DISP3: variants seen among roughly 807,000 people sequenced by gnomAD.
The protein encoded by DISP3 is dispatched RND transporter family member 3.
A neutral mutation model predicts 135.3 loss-of-function variants in DISP3; 101 were observed. The observed-to-expected ratio is 0.75, with a 90% CI of 0.64 to 0.88. The LOEUF (loss-of-function observed/expected upper bound fraction) is 0.88, where lower values mean the gene tolerates loss of function less well. Ranked by LOEUF, DISP3 falls within the 40% of genes least tolerant of loss-of-function variation. The pLI, the probability that DISP3 is intolerant of heterozygous loss-of-function variation, is 0.00. For missense variants in DISP3, 1,713 were observed against 1,878.6 expected (o/e 0.91, Z 1.63); for synonymous variants, 856 against 817.0 (o/e 1.05, Z -0.81).
At chr1:11,498,408 G>A (rs908840616) in intron 1 of DISP3, among the ~76,000 whole-genome samples, 3 of 152,162 alleles carry the variant, frequency 2.0e-5, no homozygotes, top group African/African-American at 4.8e-5. Flanking sequence ...GAAGTCCTAC[G>A]AGTGATCTCT....
At position 11,514,504 on chromosome 1, in the gene DISP3, C is replaced by T. The variant is rs1033890996; in HGVS notation, c.1431C>T (p.Val477=). 37 of 1,614,002 alleles carry T rather than the reference C, an allele frequency of 2.3e-5. No homozygotes were observed. Among genetic ancestry groups the T allele is most frequent in the Non-Finnish European group, 3.1e-5 (37 of 1,179,984 alleles). The change falls in exon 4 of 21, where the codon GTC becomes GTT. Residue 477 remains valine, a synonymous_variant. Transcript: ENST00000294484. ...FISSSCIAAL[V]YILTSCSVFL... is the part of the protein sequence containing the mutation. ...GCAGCAGCTGCATTGCTGCCCTGGT[C>T]TACATCCTCACCTCCTGCTCAGGTA...
intron 1 of DISP3, among the ~76,000 whole-genome samples, chr1:11,496,192 G>A (rs1468206486): frequency 1.3e-5 from 2 of 152,108 alleles, no homozygotes; most frequent in Non-Finnish European, 2.9e-5. Flanking sequence ...GAAAGTGGGT[G>A]AAGTCTTTCC....
intron 1 of DISP3, among the ~76,000 whole-genome samples, chr1:11,496,372 G>A (rs898502435): frequency 3.9e-5 from 6 of 152,114 alleles, no homozygotes; most frequent in African/African-American, 7.2e-5. Flanking sequence ...GTGTGAGAGA[G>A]AGACAGAGAC....
In DISP3 at chr1:11,516,106, C is replaced by T. The variant is rs746741919; in HGVS notation, c.1694C>T (p.Thr565Ile). Reference sequence around the variant, plus strand: ...ACCGTCCAAACTGCAGGCAAGGCCACCTTCTTCACCTCCCTGACCACAGCC... The same window carrying T: ...ACCGTCCAAACTGCAGGCAAGGCCATCTTCTTCACCTCCCTGACCACAGCC... ...IHTVQTAGKA[T>I]FFTSLTTAAA... The change falls in exon 6 of 21, where the codon ACC becomes ATC. Residue 565 changes from threonine (T) to isoleucine (I), a missense_variant. By Grantham distance (89) the Thr-to-Ile change is moderately conservative (BLOSUM62 -1). This residue lies in a region of DISP3 where 1,142 missense variants were observed against 1,384.6 expected (regional missense o/e 0.82). Coordinates refer to ENST00000294484, the MANE Select transcript of DISP3 (RefSeq NM_020780.2). This position sits in a 1 kb window ranked among gnomAD's most constrained non-coding sequence, Gnocchi z 5.1. 1.2e-6 allele frequency: 2 copies of T among 1,614,202 alleles called. No homozygotes were observed. Among genetic ancestry groups the T allele is most frequent in the South Asian group, 2.2e-5 (2 of 91,086 alleles).
At chr1:11,494,018 G>A (rs561155486) in intron 1 of DISP3, among the ~76,000 whole-genome samples, 20 of 152,302 alleles carry the variant, frequency 1.3e-4, no homozygotes, top group African/African-American at 3.4e-4. Context: ...TCTTCAACAA[G>A]TACTGACATA....
In DISP3 at chr1:11,519,928, A is replaced by G. The variant is rs1312617275; in HGVS notation, c.2200+48A>G. ...CCCCCTGTCTCACAGCTCCACCCCC[A>G]AAACACACAGGAACTGGGAGCCCAC... On this transcript the variant is annotated intron_variant, in intron 9 of 20. Transcript: ENST00000294484. The surrounding 1 kb of genome is among the most constrained non-coding windows in gnomAD (Gnocchi z 4.3). The G allele has an allele frequency of 3.9e-6, 6 of 1,551,656 alleles. No individual in the cohort carries two copies. The highest frequency in any genetic ancestry group is 5.2e-6 in the Non-Finnish European group (6 of 1,145,318).
chr1:11,481,157 T>G (rs1462751096), intron 1 of DISP3: 1 of 152,328 alleles, frequency 6.6e-6, no homozygotes, highest in Non-Finnish European at 1.5e-5. Flanking sequence ...TCCCCAACTT[T>G]CCTTAGGCTG....
intron 17 of DISP3, among the ~76,000 whole-genome samples, chr1:11,532,371 C>T (rs1642598114): frequency 6.6e-6 from 1 of 152,238 alleles, no homozygotes; most frequent in African/African-American, 2.4e-5. Context: ...CTCGTCCCCT[C>T]TGGCCTCATC....
At chr1:11,489,174 C>T (rs1290306970) in intron 1 of DISP3, among the ~76,000 whole-genome samples, 2 of 152,242 alleles carry the variant, frequency 1.3e-5, no homozygotes, top group African/African-American at 2.4e-5. Flanking sequence ...AGTGAGGCTG[C>T]GGGTACAGCC....
At chr1:11,487,920 C>G (rs1641082346) in intron 1 of DISP3, among the ~76,000 whole-genome samples, 1 of 152,214 alleles carries the variant, frequency 6.6e-6, no homozygotes, top group South Asian at 2.1e-4. Context: ...TTACCCCATC[C>G]TCTCTCCTGT....
intron 4 of DISP3, among the ~76,000 whole-genome samples, 198 bp downstream of exon 4, chr1:11,514,724 C>T (rs989945629): frequency 2.6e-5 from 4 of 152,344 alleles, no homozygotes; most frequent in Admixed American, 1.3e-4. Flanking sequence ...TGTACCAGCC[C>T]GGGTCACACC....
At chr1:11,510,978 C>T (rs1370196528) in intron 3 of DISP3, among the ~76,000 whole-genome samples, 1 of 152,158 alleles carries the variant, frequency 6.6e-6, no homozygotes, top group Non-Finnish European at 1.5e-5. Context: ...AAAGCAAAAG[C>T]AGAAACACCT....
At position 11,491,283 on chromosome 1, in the gene DISP3, A is replaced by T. The variant is rs1271875036; in HGVS notation, c.-3-9707A>T. ...CCAAGAATGCTTCTGGACCGCCTGT[A>T]TCAGAATCACCTGGGGAGGTGGTTT... On this transcript the variant is annotated intron_variant, in intron 1 of 20. Coordinates refer to ENST00000294484, the MANE Select transcript of DISP3 (RefSeq NM_020780.2). The surrounding 1 kb of genome is among the most constrained non-coding windows in gnomAD (Gnocchi z 4.3). Among the ~76,000 whole-genome samples, 1 of 152,214 alleles carries T rather than the reference A, an allele frequency of 6.6e-6. No individual in the cohort carries two copies. The highest frequency in any genetic ancestry group is 2.4e-5 in the African/African-American group (1 of 41,446).
chr1:11,520,886 G>C lies in DISP3; in HGVS notation c.2362+38G>C. The C allele has an allele frequency of 6.5e-7, 1 of 1,548,236 alleles. No individual in the cohort carries two copies. Among genetic ancestry groups the C allele is most frequent in the Non-Finnish European group, 8.7e-7 (1 of 1,144,338 alleles). On this transcript the variant is annotated intron_variant, in intron 10 of 20. Transcript: ENST00000294484. The surrounding 1 kb of genome is among the most constrained non-coding windows in gnomAD (Gnocchi z 4.8). Reference sequence around the variant, plus strand: ...GCCAGGCTGTCCCTGGCCCGCTCAGGTGTCCGGGTCCCAAAGACTGTTGGT... The same window carrying C: ...GCCAGGCTGTCCCTGGCCCGCTCAGCTGTCCGGGTCCCAAAGACTGTTGGT...
chr1:11,530,908 G>A lies in DISP3; in HGVS notation c.3104G>A (p.Gly1035Asp). 1.2e-6 allele frequency: 2 copies of A among 1,613,820 alleles called. No individual in the cohort carries two copies. Among genetic ancestry groups the A allele is most frequent in the Non-Finnish European group, 1.7e-6 (2 of 1,179,878 alleles). Reference protein sequence around the residue: ...QVDNHVIGDPGSVVYDSSFDL... With the variant: ...QVDNHVIGDPDSVVYDSSFDL... ...CCGGCTTGTTTCTCCTTGGGAAAGG[G>A]TAGTGTTGTCTACGACAGCAGCTTT... Residue 1035 changes from glycine to aspartate, a missense_variant and splice_region_variant, in exon 16 of 21, where the codon GGT becomes GAT. Coordinates refer to ENST00000294484, the MANE Select transcript of DISP3 (RefSeq NM_020780.2).
rs1418052600 is a variant in DISP3 at position 11,536,561 on chromosome 1, A to T, written c.4054A>T (p.Thr1352Ser). 2 of 1,612,350 alleles carry T rather than the reference A, an allele frequency of 1.2e-6. No homozygotes were observed. The highest frequency in any genetic ancestry group is 3.3e-5 in the Admixed American group (2 of 60,018). ...GIMAPSSFTR[T>S]RTSFLKALGA... Reference sequence around the variant, plus strand: ...CATGGCGCCCAGCTCTTTCACTCGGACCCGGACTTCCTTCCTCAAGGCCCT... The same window carrying T: ...CATGGCGCCCAGCTCTTTCACTCGGTCCCGGACTTCCTTCCTCAAGGCCCT... The change falls in exon 21 of 21, where the codon ACC becomes TCC. Residue 1352 changes from threonine (T) to serine (S), a missense_variant. Physicochemically the swap from Thr to Ser is moderately conservative, Grantham distance 58. Around this residue, in one of 2 missense-constraint regions of DISP3, gnomAD observed 1,142 missense variants for 1,384.6 expected, o/e 0.82. Transcript: ENST00000294484. The surrounding 1 kb of genome is among the most constrained non-coding windows in gnomAD (Gnocchi z 4.3).
Position 11,517,332 on chromosome 1 carries a change from T to C in DISP3, c.1750-131T>C, listed in dbSNP as rs1293190934. 4 of 1,228,864 alleles carry C rather than the reference T, an allele frequency of 3.3e-6. No individual in the cohort carries two copies. In the East Asian group the frequency reaches 9.4e-5, roughly 29 times the overall value. The allele number at this position is 1,228,864 out of a possible 1,614,324, so 76.1% of individuals were successfully genotyped here. On this transcript the variant is annotated intron_variant, in intron 6 of 20. Transcript: ENST00000294484. ...GCTAGTGCCTGGCATTCTGGCAGCC[T>C]GGGCCTCCTCCTACTGCCTCAGTCT...
chr1:11,485,271 T>C (rs1641006912), intron 1 of DISP3, among the ~76,000 whole-genome samples: 2 of 152,168 alleles, frequency 1.3e-5, no homozygotes, highest in African/African-American at 4.8e-5. Context: ...AGGTTTCCTG[T>C]AGGTGTTGCC....
At chr1:11,518,625 C>G (rs568244844) in intron 7 of DISP3, among the ~76,000 whole-genome samples, 7 of 152,342 alleles carry the variant, frequency 4.6e-5, no homozygotes, top group South Asian at 4.2e-4. Flanking sequence ...CAGTCGTCTT[C>G]CCAGTCAGTC....
Sources: gnomAD v4.1 joint callset for allele counts (sites outside exome capture counted in the v4.1 genomes callset) on GRCh38, gnomAD v4.1.1 for gene constraint, gnomAD v4.1.1 regional missense constraint, Gnocchi (gnomAD v3.1) non-coding constraint, MANE v1.5 for transcripts, NCBI Gene and HGNC (gene_info 2026-07-23, HGNC 2026-07-21) for gene names.